The following A1CF variants were observed in gnomAD, a reference collection of about 807,000 sequenced individuals.
A1CF encodes APOBEC1 complementation factor.
A neutral mutation model predicts 68.9 loss-of-function variants in A1CF; 48 were observed. The observed-to-expected ratio is 0.70, with a 90% CI of 0.55 to 0.89. The LOEUF (loss-of-function observed/expected upper bound fraction) is 0.89, where lower values mean the gene tolerates loss of function less well. Ranked by LOEUF, A1CF falls within the 40% of genes least tolerant of loss-of-function variation. The pLI, the probability that A1CF is intolerant of heterozygous loss-of-function variation, is 0.00. For missense variants in A1CF, 653 were observed against 718.9 expected, an observed-to-expected ratio of 0.91 and a Z score of 1.05; for synonymous variants, 272 against 260.4, an observed-to-expected ratio of 1.04 and a Z score of -0.43.
chr10:50,878,486 C>T (rs1029490427), intron 1 of A1CF, among the ~76,000 whole-genome samples: 15 of 152,140 alleles, frequency 9.9e-5, no homozygotes, highest in Non-Finnish European at 1.8e-4. Flanking sequence ...TAAATTGTAG[C>T]AAGTGGTAGA....
Position 50,850,647 on chromosome 10 carries a change from C to T in A1CF, c.100-6525G>A, listed in dbSNP as rs763842356. On this transcript the variant is annotated intron_variant, in intron 3 of 12. Coordinates refer to ENST00000373997, the MANE Select transcript of A1CF (RefSeq NM_014576.4). ...GAACGAGTAAAATGCCAACTCACTTCTAAGACCCTCTGCTTACCTTTTCCA... is the reference window on the plus strand; with the variant it reads ...GAACGAGTAAAATGCCAACTCACTTTTAAGACCCTCTGCTTACCTTTTCCA... The T allele has an allele frequency of 3.1e-6, 5 of 1,613,886 alleles. No individual in the cohort carries two copies. In the South Asian group the frequency reaches 5.5e-5, roughly 18 times the overall value.
intron 1 of A1CF, among the ~76,000 whole-genome samples, chr10:50,873,867 A>G (rs1841384819): frequency 6.6e-6 from 1 of 152,194 alleles, no homozygotes; most frequent in Admixed American, 6.5e-5. Flanking sequence ...GAAAAACTAT[A>G]TCAGAGAAAA....
At chr10:50,845,177 G>T (rs1011268197) in intron 3 of A1CF, among the ~76,000 whole-genome samples, 2 of 151,670 alleles carry the variant, frequency 1.3e-5, no homozygotes, top group African/African-American at 2.4e-5. Context: ...TTAAATTTTT[G>T]CCTAGAGAGT....
At chr10:50,809,800 G>A in intron 12 of A1CF, 94 bp downstream of exon 12, 1 of 1,539,220 alleles carries the variant, frequency 6.5e-7, no homozygotes, top group Non-Finnish European at 8.8e-7. Flanking sequence ...GCTGTAAGTA[G>A]GGTACACAAA....
intron 2 of A1CF, among the ~76,000 whole-genome samples, chr10:50,862,628 C>T (rs2132539400): frequency 6.6e-6 from 1 of 152,288 alleles, no homozygotes; most frequent in South Asian, 2.1e-4. Context: ...TAGGGCATTG[C>T]ATTTTAGGGG....
chr10:50,820,317 C>T (rs889062003), intron 8 of A1CF, among the ~76,000 whole-genome samples: 6 of 152,110 alleles, frequency 3.9e-5, no homozygotes, highest in Non-Finnish European at 7.4e-5. Flanking sequence ...AAATTGAGGG[C>T]CAGTGACTTG....
intron 1 of A1CF, among the ~76,000 whole-genome samples, chr10:50,872,749 CT>C (rs1343881499): frequency 1.3e-5 from 2 of 151,916 alleles, no homozygotes; most frequent in African/African-American, 4.8e-5. Flanking sequence ...TTGTCTGATG[CT>C]TCACTCGGAC....
intron 7 of A1CF, among the ~76,000 whole-genome samples, chr10:50,822,378 A>G (rs998240114): frequency 6.6e-6 from 1 of 152,308 alleles, no homozygotes; most frequent in African/African-American, 2.4e-5. Context: ...CCGGGAGACA[A>G]CATAGGATGA....
At chr10:50,840,359 C>A (rs1839720080) in intron 5 of A1CF, among the ~76,000 whole-genome samples, 1 of 151,680 alleles carries the variant, frequency 6.6e-6, no homozygotes, top group African/African-American at 2.4e-5. Flanking sequence ...TAGCAATAAA[C>A]CTATGAAATA....
intron 1 of A1CF, among the ~76,000 whole-genome samples, chr10:50,869,838 A>T (rs1239753610): frequency 6.6e-6 from 1 of 152,006 alleles, no homozygotes; most frequent in Non-Finnish European, 1.5e-5. Flanking sequence ...GGGTGAGTGG[A>T]TTAACAAATT....
intron 5 of A1CF, 68 bp from the exon 6 acceptor site, chr10:50,836,380 G>A (rs12245431): frequency 5.9e-6 from 9 of 1,513,790 alleles, no homozygotes; most frequent in Non-Finnish European, 7.1e-6. Context: ...ATGTATGGCT[G>A]TGGGCCAAAT....
intron 1 of A1CF, among the ~76,000 whole-genome samples, chr10:50,867,496 G>A (rs1205324526): frequency 6.6e-6 from 1 of 152,158 alleles, no homozygotes; most frequent in Non-Finnish European, 1.5e-5. Flanking sequence ...TACACATGGA[G>A]GTAGAGAGTG....
chr10:50,871,521 C>T (rs997264839), intron 1 of A1CF, among the ~76,000 whole-genome samples: 1 of 151,862 alleles, frequency 6.6e-6, no homozygotes, highest in Non-Finnish European at 1.5e-5. Context: ...CGGGCAGGAA[C>T]AATGTGCAAT....
chr10:50,813,758 C>T, intron 10 of A1CF, 99 bp downstream of exon 10: 1 of 1,275,334 alleles, frequency 7.8e-7, no homozygotes, highest in Non-Finnish European at 1.1e-6. Context: ...AGAAAAAAAC[C>T]CATAGCTTGA....
intron 3 of A1CF, among the ~76,000 whole-genome samples, chr10:50,852,980 A>T (rs1396490522): frequency 1.3e-5 from 2 of 152,204 alleles, no homozygotes; most frequent in African/African-American, 2.4e-5. Context: ...ATCTAGCTCC[A>T]TTCTTTGTAC....
chr10:50,883,999 G>A (rs1049427883), intron 1 of A1CF, among the ~76,000 whole-genome samples: 2 of 152,146 alleles, frequency 1.3e-5, no homozygotes, highest in African/African-American at 2.4e-5. Flanking sequence ...AAGTAGACCC[G>A]ATAATATAGT....
chr10:50,836,228 T>G lies in A1CF; in HGVS notation c.450A>C (p.Glu150Asp). 1 of 1,614,040 alleles carries G rather than the reference T, an allele frequency of 6.2e-7. No homozygotes were observed. The highest frequency in any genetic ancestry group is 8.5e-7 in the Non-Finnish European group (1 of 1,179,902). The part of the protein sequence containing the change: ...VGGIPKTKKR[E>D]EILSEMKKVT... ...CCTTTTTCATCTCCGATAAGATTTCTTCTCTCTTTTTGGTTTTTGGGATGC... is the reference window on the plus strand; with the variant it reads ...CCTTTTTCATCTCCGATAAGATTTCGTCTCTCTTTTTGGTTTTTGGGATGC... Residue 150 changes from glutamate (E) to aspartate (D), a missense_variant, in exon 6 of 13, where the codon GAA becomes GAC. Transcript: ENST00000373997.
intron 1 of A1CF, among the ~76,000 whole-genome samples, chr10:50,866,169 T>A (rs1188746658): frequency 6.6e-6 from 1 of 152,262 alleles, no homozygotes; most frequent in African/African-American, 2.4e-5. Context: ...AAGAAATTGA[T>A]TTTTGTTGTT....
At chr10:50,866,813 C>T (rs561739304) in intron 1 of A1CF, among the ~76,000 whole-genome samples, 1 of 152,168 alleles carries the variant, frequency 6.6e-6, no homozygotes, top group East Asian at 1.9e-4. Flanking sequence ...GGTCTTACTG[C>T]CCTAGCAGAC....
Sources: allele counts gnomAD v4.1 joint callset (sites outside exome capture counted in the v4.1 genomes callset), GRCh38; gene constraint gnomAD v4.1.1; transcripts MANE v1.5; gene names NCBI Gene and HGNC (gene_info 2026-07-23, HGNC 2026-07-21).